The following ATF1 variants were observed in gnomAD, a reference collection of about 807,000 sequenced individuals.
The protein encoded by ATF1 is cyclic AMP-dependent transcription factor ATF-1.
A neutral mutation model predicts 34.7 loss-of-function variants in ATF1; 16 were observed. The ratio of observed to expected loss-of-function variants is 0.46; its 90% CI spans 0.31 to 0.70. The LOEUF (loss-of-function observed/expected upper bound fraction) is 0.70, where lower values mean the gene tolerates loss of function less well. ATF1 is among the 30% of genes least tolerant of loss of function. The pLI is 0.05. For missense variants in ATF1, 255 were observed against 321.6 expected, an observed-to-expected ratio of 0.79 and a Z score of 1.58; for synonymous variants, 105 against 113.1, an observed-to-expected ratio of 0.93 and a Z score of 0.46.
chr12:50,818,042 T>C (rs1334791553), intron 6 of ATF1, among the ~76,000 whole-genome samples: 1 of 152,156 alleles, frequency 6.6e-6, no homozygotes, highest in Non-Finnish European at 1.5e-5. Flanking sequence ...TTTTCCTTCC[T>C]TTTTTCCCCC....
intron 2 of ATF1, among the ~76,000 whole-genome samples, chr12:50,786,438 A>G (rs1017877849): frequency 5.9e-5 from 9 of 152,164 alleles, no homozygotes; most frequent in African/African-American, 2.2e-4. Context: ...TGGGAGCTGC[A>G]GACACAAAGA....
chr12:50,785,748 G>A (rs1173698379), intron 2 of ATF1, among the ~76,000 whole-genome samples: 1 of 152,106 alleles, frequency 6.6e-6, no homozygotes, highest in East Asian at 1.9e-4. Flanking sequence ...TTGGTTCTTG[G>A]CTGGAGGCTG....
chr12:50,799,438 C>T (rs1171155684), intron 3 of ATF1, among the ~76,000 whole-genome samples: 1 of 152,040 alleles, frequency 6.6e-6, no homozygotes, highest in East Asian at 1.9e-4. Context: ...TTAAACAAGA[C>T]CCAGAGTCTG....
intron 3 of ATF1, among the ~76,000 whole-genome samples, chr12:50,805,561 CAAAA>C (rs370613978): frequency 5.6e-5 from 3 of 53,836 alleles, no homozygotes; most frequent in African/African-American, 1.2e-4. Flanking sequence ...CTGTCTGTCT[CAAAA>C]AAAAAAAAAA....
intron 2 of ATF1, among the ~76,000 whole-genome samples, chr12:50,790,269 A>G (rs1941274890): frequency 6.6e-6 from 1 of 150,908 alleles, no homozygotes; most frequent in East Asian, 1.9e-4. Flanking sequence ...CAGTGGCGCA[A>G]TCACAGCTCA....
chr12:50,769,091 G>A (rs1300883661), intron 1 of ATF1, among the ~76,000 whole-genome samples: 2 of 152,230 alleles, frequency 1.3e-5, no homozygotes, highest in Non-Finnish European at 2.9e-5. Context: ...ATGTAACTGA[G>A]ACTATTGAAG....
intron 1 of ATF1, among the ~76,000 whole-genome samples, chr12:50,765,563 GTGAACT>G: frequency 3.3e-5 from 5 of 152,276 alleles, no homozygotes; most frequent in African/African-American, 1.2e-4. Flanking sequence ...TCAGAGGCGT[GTGAACT>G]AGAACAACTC....
chr12:50,815,054 G>A (rs1024979570), intron 6 of ATF1, among the ~76,000 whole-genome samples: 5 of 151,930 alleles, frequency 3.3e-5, no homozygotes, highest in African/African-American at 9.7e-5. Flanking sequence ...TCTGGGAGCC[G>A]AAGCTTGCAG....
chr12:50,780,764 T>G (rs1941042105), intron 2 of ATF1, among the ~76,000 whole-genome samples: 1 of 151,794 alleles, frequency 6.6e-6, no homozygotes, highest in Non-Finnish European at 1.5e-5. Flanking sequence ...AGTTCAAGAC[T>G]AGCCTGACCA....
chr12:50,772,267 C>T (rs909295186), intron 1 of ATF1, among the ~76,000 whole-genome samples: 4 of 151,262 alleles, frequency 2.6e-5, no homozygotes, highest in African/African-American at 4.9e-5. Flanking sequence ...AATGAGCCAT[C>T]GCACTTGGCT....
chr12:50,820,357 GTTAA>G lies in ATF1; in HGVS notation c.*582_*585del, dbSNP rs1299113245. On this transcript the variant is annotated 3_prime_UTR_variant, in exon 7 of 7. Coordinates refer to ENST00000262053, the MANE Select transcript of ATF1 (RefSeq NM_005171.5). ...GACTTGAATGGATTTTTGAGACTAG[GTTAA>G]TTATTTTTGAGGTCTTATCCTAAAA... 60 of 188,626 alleles carry G rather than the reference GTTAA, an allele frequency of 3.2e-4. No individual in the cohort carries two copies. Among genetic ancestry groups the G allele is most frequent in the Non-Finnish European group, 5.5e-4 (49 of 89,536 alleles). The allele number at this position is 188,626 out of a possible 1,614,324, so 11.7% of individuals were successfully genotyped here. A position where few individuals can be genotyped will look rare whatever the true frequency, so the allele number is the denominator to read the frequency against.
chr12:50,765,747 T>A (rs1217842757), intron 1 of ATF1, among the ~76,000 whole-genome samples: 5 of 152,142 alleles, frequency 3.3e-5, no homozygotes, highest in Non-Finnish European at 5.9e-5. Flanking sequence ...AAAACTGAAA[T>A]GGCCACAAGA....
At chr12:50,789,559 AC>A (rs1941257258) in intron 2 of ATF1, among the ~76,000 whole-genome samples, 1 of 149,716 alleles carries the variant, frequency 6.7e-6, no homozygotes, top group Non-Finnish European at 1.5e-5. Flanking sequence ...GGAGTTTGAG[AC>A]CAGCCTGGCC....
chr12:50,779,448 C>G (rs1941005407), intron 1 of ATF1, among the ~76,000 whole-genome samples: 1 of 151,948 alleles, frequency 6.6e-6, no homozygotes, highest in Non-Finnish European at 1.5e-5. Flanking sequence ...ATTACCCATT[C>G]TAATGGGTAT....
At chr12:50,816,874 C>CA (rs1051519925) in intron 6 of ATF1, among the ~76,000 whole-genome samples, 20 of 150,084 alleles carry the variant, frequency 1.3e-4, no homozygotes, top group Admixed American at 6.0e-4. Context: ...ATAAAACAAA[C>CA]AAAAAAAAAC....
chr12:50,767,822 G>A (rs1384673766), intron 1 of ATF1, among the ~76,000 whole-genome samples: 1 of 151,444 alleles, frequency 6.6e-6, no homozygotes, highest in Admixed American at 6.6e-5. Context: ...CTTCTGGGAA[G>A]GTCAACAGAG....
At chr12:50,776,812 T>C (rs1196294356) in intron 1 of ATF1, among the ~76,000 whole-genome samples, 1 of 152,164 alleles carries the variant, frequency 6.6e-6, no homozygotes, top group East Asian at 1.9e-4. Context: ...ACAGTATTGT[T>C]TTAGTAAAAA....
rs1230505444 is a variant in ATF1 at position 50,816,127 on chromosome 12, G to A, written c.671+1688G>A. On this transcript the variant is annotated intron_variant, in intron 6 of 6. Coordinates refer to ENST00000262053, the MANE Select transcript of ATF1 (RefSeq NM_005171.5). ...AGGCGGGAGGATCACTTGAGCCTAG[G>A]AGTTCAATGCAAGCCTGGGCAACAT... Among the ~76,000 whole-genome samples, 3 of 152,132 alleles carry A rather than the reference G, an allele frequency of 2.0e-5. No homozygotes were observed. The South Asian group carries it at 6.2e-4, about 32-fold the overall frequency.
chr12:50,801,800 T>C (rs1027890021), intron 3 of ATF1, among the ~76,000 whole-genome samples: 11 of 152,138 alleles, frequency 7.2e-5, no homozygotes, highest in African/African-American at 1.9e-4. Flanking sequence ...AACAAATACA[T>C]AGAAGGCTGC....
Sources: allele counts gnomAD v4.1 joint callset (sites outside exome capture counted in the v4.1 genomes callset), GRCh38; gene constraint gnomAD v4.1.1; transcripts MANE v1.5; gene names NCBI Gene and HGNC (gene_info 2026-07-23, HGNC 2026-07-21).